The following MAP2K5 variants were observed in gnomAD, a reference collection of about 807,000 sequenced individuals.
MAP2K5 encodes the protein dual specificity mitogen-activated protein kinase kinase 5.
A neutral mutation model predicts 83.1 loss-of-function variants in MAP2K5; 49 were observed. The observed-to-expected ratio is 0.59, with a 90% CI of 0.47 to 0.75. The LOEUF is 0.75. Among genes scored for constraint, MAP2K5 ranks in the 30% least tolerant of loss-of-function variants. The pLI, the probability that MAP2K5 is intolerant of heterozygous loss-of-function variation, is 0.00. For synonymous variants in MAP2K5, 202 were observed against 191.8 expected, an observed-to-expected ratio of 1.05 and a Z score of -0.44; for missense variants, 457 against 557.5, an observed-to-expected ratio of 0.82 and a Z score of 1.82.
At chr15:67,646,184 T>A (rs2086827539) in intron 9 of MAP2K5, 47 bp from the exon 10 acceptor site, 1 of 774,248 alleles carries the variant, frequency 1.3e-6, no homozygotes, top group Admixed American at 2.9e-5. Context: ...TGATTATAAC[T>A]AATATAATTA....
chr15:67,615,890 T>G (rs2086043671), intron 8 of MAP2K5, among the ~76,000 whole-genome samples: 1 of 152,154 alleles, frequency 6.6e-6, no homozygotes, highest in Non-Finnish European at 1.5e-5. Context: ...GCGTTCTGCA[T>G]GTTTTGTATT....
At chr15:67,630,480 G>C (rs1416529646) in intron 8 of MAP2K5, among the ~76,000 whole-genome samples, 1 of 151,706 alleles carries the variant, frequency 6.6e-6, no homozygotes, top group Non-Finnish European at 1.5e-5. Flanking sequence ...AAGCAAAATG[G>C]CTCTGTACAC....
In MAP2K5 at chr15:67,665,635, C is replaced by T. The variant is rs1404737933; in HGVS notation, c.847+990C>T. ...GATTCCACATTTCTTCTGAAATCCT[C>T]CTTTTTAATGAGGGTATCTAGATTT... On this transcript the variant is annotated intron_variant, in intron 13 of 21. Coordinates refer to ENST00000178640, the MANE Select transcript of MAP2K5 (RefSeq NM_145160.3). The surrounding 1 kb of genome is among the most constrained non-coding windows in gnomAD (Gnocchi z 4.2). 6.6e-6 allele frequency among the ~76,000 whole-genome samples: 1 copy of T among 152,128 alleles called. No homozygotes were observed. The highest frequency in any genetic ancestry group is 1.9e-4 in the East Asian group (1 of 5,176).
Position 67,783,078 on chromosome 15 carries a change from T to C in MAP2K5, c.1242+10326T>C, listed in dbSNP as rs1308306803. On this transcript the variant is annotated intron_variant, in intron 21 of 21. Transcript: ENST00000178640. The surrounding 1 kb of genome is among the most constrained non-coding windows in gnomAD (Gnocchi z 5.1). ...AAGCCTTTTCTACTGTTGTGAGACA[T>C]GGAGAGAAGCCGATGTGGGAATCAC... is the stretch of plus-strand genomic sequence containing the variant. Among the ~76,000 whole-genome samples, 6 of 152,214 alleles carry C rather than the reference T, an allele frequency of 3.9e-5. No individual in the cohort carries two copies. Among genetic ancestry groups the C allele is most frequent in the Non-Finnish European group, 5.9e-5 (4 of 68,024 alleles).
chr15:67,587,550 G>A lies in MAP2K5; in HGVS notation c.431+637G>A, dbSNP rs965294770. Among the ~76,000 whole-genome samples the A allele has an allele frequency of 6.6e-6, 1 of 152,150 alleles. No homozygotes were observed. The highest frequency in any genetic ancestry group is 2.4e-5 in the African/African-American group (1 of 41,426). On this transcript the variant is annotated intron_variant, in intron 6 of 21. Coordinates refer to ENST00000178640, the MANE Select transcript of MAP2K5 (RefSeq NM_145160.3). This position sits in a 1 kb window ranked among gnomAD's most constrained non-coding sequence, Gnocchi z 4.8. ...ATCAAATCTCTTACTGAACATCCCT[G>A]TCGGAGGAATGCACTTTATCAGCCA... is the stretch of plus-strand genomic sequence containing the variant.
rs2090281903 is a variant in MAP2K5 at position 67,778,932 on chromosome 15, G to T, written c.1242+6180G>T. 6.6e-6 allele frequency among the ~76,000 whole-genome samples: 1 copy of T among 152,120 alleles called. No homozygotes were observed. Among genetic ancestry groups the T allele is most frequent in the South Asian group, 2.1e-4 (1 of 4,822 alleles). On this transcript the variant is annotated intron_variant, in intron 21 of 21. Coordinates refer to ENST00000178640, the MANE Select transcript of MAP2K5 (RefSeq NM_145160.3). The surrounding 1 kb of genome is among the most constrained non-coding windows in gnomAD (Gnocchi z 5.0). ...TGATGGTTAATAAATTGTGAACTTGGATGTAGTTCACTACAGTTAGGTATT... is the reference window on the plus strand; with the variant it reads ...TGATGGTTAATAAATTGTGAACTTGTATGTAGTTCACTACAGTTAGGTATT...
chr15:67,599,372 A>G (rs1294266876), intron 7 of MAP2K5, among the ~76,000 whole-genome samples: 1 of 152,240 alleles, frequency 6.6e-6, no homozygotes, highest in African/African-American at 2.4e-5. Context: ...TGGCCTTTAC[A>G]CATTAATCTG....
Position 67,562,923 on chromosome 15 carries a change from T to C in MAP2K5, c.185-360T>C, listed in dbSNP as rs1057230272. Reference sequence around the variant, plus strand: ...GAATGGAGAAATCGGGGTATGGTGCTGTTTGGGAGATTTAAAAAGTGTGGA... The same window carrying C: ...GAATGGAGAAATCGGGGTATGGTGCCGTTTGGGAGATTTAAAAAGTGTGGA... On this transcript the variant is annotated intron_variant, in intron 2 of 21. Coordinates refer to ENST00000178640, the MANE Select transcript of MAP2K5 (RefSeq NM_145160.3). The surrounding 1 kb of genome is among the most constrained non-coding windows in gnomAD (Gnocchi z 4.1). Among the ~76,000 whole-genome samples, 3 of 152,142 alleles carry C rather than the reference T, an allele frequency of 2.0e-5. No individual in the cohort carries two copies. The highest frequency in any genetic ancestry group is 2.9e-5 in the Non-Finnish European group (2 of 68,006).
chr15:67,768,646 G>A lies in MAP2K5; in HGVS notation c.1135-956G>A, dbSNP rs571025788. 7.2e-5 allele frequency among the ~76,000 whole-genome samples: 11 copies of A among 152,228 alleles called. No homozygotes were observed. The highest frequency in any genetic ancestry group is 2.1e-4 in the South Asian group (1 of 4,822). Reference sequence around the variant, plus strand: ...GATGTCAGGGAGGAAAAAAGCCGCCGAAAGGTATTTTTAATAGCAAATGAG... The same window carrying A: ...GATGTCAGGGAGGAAAAAAGCCGCCAAAAGGTATTTTTAATAGCAAATGAG... On this transcript the variant is annotated intron_variant, in intron 19 of 21. Coordinates refer to ENST00000178640, the MANE Select transcript of MAP2K5 (RefSeq NM_145160.3). The surrounding 1 kb of genome is among the most constrained non-coding windows in gnomAD (Gnocchi z 4.0).
chr15:67,611,509 C>G (rs952019318), intron 8 of MAP2K5, among the ~76,000 whole-genome samples: 4 of 152,098 alleles, frequency 2.6e-5, no homozygotes, highest in Admixed American at 2.6e-4. Context: ...GTGGAAGATG[C>G]CAAGAGGTAC....
intron 13 of MAP2K5, among the ~76,000 whole-genome samples, chr15:67,684,816 C>A (rs2087911298): frequency 6.6e-6 from 1 of 152,038 alleles, no homozygotes; most frequent in South Asian, 2.1e-4. Context: ...ATAAAAATTT[C>A]ATTGATGGAA....
intron 17 of MAP2K5, among the ~76,000 whole-genome samples, chr15:67,744,406 CAA>C (rs923981387): frequency 3.9e-4 from 59 of 152,246 alleles, no homozygotes; most frequent in Middle Eastern, 3.4e-3. Flanking sequence ...GAAAATAATA[CAA>C]GCTTGAAAAG....
intron 1 of MAP2K5, among the ~76,000 whole-genome samples, chr15:67,545,228 C>A (rs1280203521): frequency 6.6e-6 from 1 of 152,112 alleles, no homozygotes; most frequent in African/African-American, 2.4e-5. Flanking sequence ...TTGTGTGGGT[C>A]CCCCAGCAAA....
chr15:67,697,602 A>G (rs2088298324), intron 15 of MAP2K5, among the ~76,000 whole-genome samples: 1 of 152,232 alleles, frequency 6.6e-6, no homozygotes, highest in Non-Finnish European at 1.5e-5. Context: ...ACACAGTGCC[A>G]GATGAATGAA....
chr15:67,559,860 C>A lies in MAP2K5; in HGVS notation c.185-3423C>A, dbSNP rs1443796136. ...GTTTTTTTGGTCAGATGGCAAAGAA[C>A]CTCCATGTATAAGATAGAAAAAGCT... On this transcript the variant is annotated intron_variant, in intron 2 of 21. Coordinates refer to ENST00000178640, the MANE Select transcript of MAP2K5 (RefSeq NM_145160.3). The surrounding 1 kb of genome is among the most constrained non-coding windows in gnomAD (Gnocchi z 4.7). Among the ~76,000 whole-genome samples the A allele has an allele frequency of 6.6e-6, 1 of 152,146 alleles. No homozygotes were observed. Among genetic ancestry groups the A allele is most frequent in the African/African-American group, 2.4e-5 (1 of 41,416 alleles).
intron 13 of MAP2K5, among the ~76,000 whole-genome samples, chr15:67,666,261 T>C (rs2087376498): frequency 6.6e-6 from 1 of 152,216 alleles, no homozygotes; most frequent in Admixed American, 6.5e-5. Context: ...CAAAGAACTA[T>C]AGTGGATAGG....
At chr15:67,715,890 AATC>A (rs2088817784) in intron 16 of MAP2K5, among the ~76,000 whole-genome samples, 1 of 152,238 alleles carries the variant, frequency 6.6e-6, no homozygotes, top group African/African-American at 2.4e-5. Context: ...TCAACAGTGA[AATC>A]ATTTGCCTTT....
chr15:67,664,779 T>G (rs2087332403), intron 13 of MAP2K5, 134 bp downstream of exon 13: 1 of 509,474 alleles, frequency 2.0e-6, no homozygotes, highest in South Asian at 3.9e-5. Flanking sequence ...ATGGCTGCTC[T>G]ATAAATGTTA....
chr15:67,696,547 A>G (rs2141207552), intron 15 of MAP2K5, among the ~76,000 whole-genome samples: 1 of 152,362 alleles, frequency 6.6e-6, no homozygotes, highest in African/African-American at 2.4e-5. Flanking sequence ...TTTACTGAGC[A>G]TCTTCTATGC....
Sources: gnomAD v4.1 joint callset for allele counts (sites outside exome capture counted in the v4.1 genomes callset) on GRCh38, gnomAD v4.1.1 for gene constraint, Gnocchi (gnomAD v3.1) non-coding constraint, MANE v1.5 for transcripts, NCBI Gene and HGNC (gene_info 2026-07-23, HGNC 2026-07-21) for gene names.